DGKH: variants seen among roughly 807,000 people sequenced by gnomAD.
DGKH encodes DAG kinase eta.
In DGKH, 90 loss-of-function variants were observed where a neutral mutation model predicts 159.3. The ratio of observed to expected loss-of-function variants is 0.57; its 90% CI spans 0.48 to 0.67. The LOEUF is 0.67. Ranked by LOEUF, DGKH falls within the 30% of genes least tolerant of loss-of-function variation. DGKH has a pLI of 0.00. For missense variants in DGKH, 1,181 were observed against 1,506.1 expected, an observed-to-expected ratio of 0.78 and a Z score of 3.57; for synonymous variants, 536 against 553.8, an observed-to-expected ratio of 0.97 and a Z score of 0.45.
At chr13:42,053,846 T>C (rs994205354) in intron 1 of DGKH, among the ~76,000 whole-genome samples, 1 of 152,112 alleles carries the variant, frequency 6.6e-6, no homozygotes. Flanking sequence ...GGTCTTGATC[T>C]CTTGACCTTG....
At chr13:42,193,819 G>A (rs1445223374) in intron 16 of DGKH, among the ~76,000 whole-genome samples, 1 of 152,082 alleles carries the variant, frequency 6.6e-6, no homozygotes, top group African/African-American at 2.4e-5. Flanking sequence ...TTAGTTTTAG[G>A]GAGAGTGAAG....
chr13:42,120,058 A>G (rs746831641), intron 1 of DGKH, among the ~76,000 whole-genome samples: 9 of 152,190 alleles, frequency 5.9e-5, no homozygotes, highest in Non-Finnish European at 1.2e-4. Context: ...TGCACACTTT[A>G]TGCAGCAGTG....
chr13:42,183,546 T>C (rs1194773156), intron 13 of DGKH, among the ~76,000 whole-genome samples: 1 of 152,234 alleles, frequency 6.6e-6, no homozygotes, highest in Non-Finnish European at 1.5e-5. Flanking sequence ...TTAAACCCTC[T>C]TGTGCCTGTT....
In DGKH at chr13:42,189,082, A is replaced by G; in HGVS notation, c.1685A>G (p.His562Arg). Residue 562 changes from histidine to arginine, a missense_variant, in exon 15 of 30, where the codon CAC (histidine) becomes CGC (arginine). Transcript: ENST00000337343. ...CTCGAACAACTGCTGCAGGCTTTGC[A>G]CACAGATTCCCAGGCTGCGCCTGTT... ...EKLEQLLQAL[H>R]TDSQAAPVLP... The G allele has an allele frequency of 6.2e-7, 1 of 1,614,158 alleles. No individual in the cohort carries two copies. The highest frequency in any genetic ancestry group is 8.5e-7 in the Non-Finnish European group (1 of 1,179,970).
chr13:42,110,995 A>G lies in DGKH; in HGVS notation c.193-16468A>G, dbSNP rs535669533. Among the ~76,000 whole-genome samples the G allele has an allele frequency of 2.0e-5, 3 of 152,296 alleles. No individual in the cohort carries two copies. In the East Asian group the frequency reaches 5.8e-4, roughly 29 times the overall value. The stretch of plus-strand genomic sequence containing the variant: ...GGGTTGATAGGTGCAGCAAACCACT[A>G]TGGCACATGTTTACCTACGTAACAA... On this transcript the variant is annotated intron_variant, in intron 1 of 29. Coordinates refer to ENST00000337343, the MANE Select transcript of DGKH (RefSeq NM_178009.5).
intron 1 of DGKH, among the ~76,000 whole-genome samples, chr13:42,124,002 G>A (rs754936426): frequency 6.6e-6 from 1 of 152,142 alleles, no homozygotes; most frequent in African/African-American, 2.4e-5. Context: ...ATATCAAATT[G>A]TATACTTTAT....
At chr13:42,051,184 A>G (rs1352019898) in intron 1 of DGKH, among the ~76,000 whole-genome samples, 1 of 152,358 alleles carries the variant, frequency 6.6e-6, no homozygotes, top group South Asian at 2.1e-4. Flanking sequence ...GCCATGAGAG[A>G]TCATTTTTGA....
At chr13:42,191,024 G>A (rs568550735) in intron 16 of DGKH, among the ~76,000 whole-genome samples, 12 of 152,266 alleles carry the variant, frequency 7.9e-5, no homozygotes, top group South Asian at 2.1e-4. Flanking sequence ...TAAAGCAAGC[G>A]TTAAAATCAC....
intron 20 of DGKH, among the ~76,000 whole-genome samples, chr13:42,200,718 G>T (rs981366513): frequency 3.3e-5 from 5 of 152,092 alleles, no homozygotes; most frequent in African/African-American, 1.2e-4. Context: ...GAGGTGTCTC[G>T]CTCATTCTTT....
chr13:42,161,130 A>T (rs975211576), intron 7 of DGKH, among the ~76,000 whole-genome samples: 2 of 152,148 alleles, frequency 1.3e-5, no homozygotes, highest in Non-Finnish European at 2.9e-5. Flanking sequence ...GTCTCTCTTT[A>T]CAATCTTAGT....
chr13:42,054,969 A>G (rs370354682), intron 1 of DGKH, among the ~76,000 whole-genome samples: 2 of 152,224 alleles, frequency 1.3e-5, no homozygotes, highest in Non-Finnish European at 2.9e-5. Context: ...CTGTGTTCCA[A>G]CAAAACTTTA....
Position 42,165,401 on chromosome 13 carries a change from C to T in DGKH, c.926C>T (p.Pro309Leu), listed in dbSNP as rs1231230457. ...GGTCAATGTAAAGTATCTATCATAC[C>T]TCCAATTGCACTAAACAGCACCGAT... The part of the protein sequence containing the change: ...PLGQCKVSII[P>L]PIALNSTDSD... The change falls in exon 8 of 30, where the codon CCT (proline) becomes CTT (leucine). Residue 309 changes from proline (P) to leucine (L), a missense_variant. Pro to Leu is a moderately conservative substitution (Grantham distance 98, BLOSUM62 -3). This residue lies in a region of DGKH where 369 missense variants were observed against 519.4 expected (regional missense o/e 0.71). Coordinates refer to ENST00000337343, the MANE Select transcript of DGKH (RefSeq NM_178009.5). 1.3e-5 allele frequency: 20 copies of T among 1,590,468 alleles called. No individual in the cohort carries two copies. Among genetic ancestry groups the T allele is most frequent in the Middle Eastern group, 1.7e-4 (1 of 6,058 alleles).
downstream of DGKH, among the ~76,000 whole-genome samples, chr13:42,244,723 G>T (rs748970326): frequency 2.0e-5 from 3 of 151,048 alleles, no homozygotes; most frequent in Non-Finnish European, 3.0e-5. Context: ...GCTAAAACGG[G>T]GAAACCCCGT....
At position 42,089,302 on chromosome 13, in the gene DGKH, G is replaced by A. The variant is rs535732143; in HGVS notation, c.193-38161G>A. Among the ~76,000 whole-genome samples the A allele has an allele frequency of 2.6e-5, 4 of 152,176 alleles. No homozygotes were observed. The South Asian group carries it at 8.3e-4, about 32-fold the overall frequency. The stretch of plus-strand genomic sequence containing the variant: ...GCATTCAATCCAACAGCAGCAGACT[G>A]TACATTCTTTTCAAATATATTTCCT... On this transcript the variant is annotated intron_variant, in intron 1 of 29. Coordinates refer to ENST00000337343, the MANE Select transcript of DGKH (RefSeq NM_178009.5).
Position 42,070,372 on chromosome 13 carries a change from T to C in DGKH, c.192+21407T>C, listed in dbSNP as rs1882879524. The C allele has an allele frequency of 1.4e-5, 20 of 1,432,518 alleles. No individual in the cohort carries two copies. The East Asian group carries it at 4.3e-4, about 31-fold the overall frequency. The allele number at this position is 1,432,518 out of a possible 1,614,324, so 88.7% of individuals were successfully genotyped here. ...AATAGATTCTAAAGTCAGCTGCATCTGTTCAAGTTCATGTGCACCTGCAAA... is the reference window on the plus strand; with the variant it reads ...AATAGATTCTAAAGTCAGCTGCATCCGTTCAAGTTCATGTGCACCTGCAAA... On this transcript the variant is annotated intron_variant, in intron 1 of 29. Transcript: ENST00000337343.
intron 11 of DGKH, among the ~76,000 whole-genome samples, chr13:42,170,805 T>C (rs1956435200): frequency 6.6e-6 from 1 of 151,996 alleles, no homozygotes; most frequent in Admixed American, 6.5e-5. Flanking sequence ...TAACTGGGCA[T>C]GGTGGTGGGT....
chr13:42,069,822 A>T, intron 1 of DGKH: 1 of 978,212 alleles, frequency 1.0e-6, no homozygotes, highest in Non-Finnish European at 1.5e-6. Context: ...GGTACTGCCA[A>T]CAAGGCTCAG....
At chr13:42,047,781 T>G (rs1056507228), upstream of DGKH, among the ~76,000 whole-genome samples, 3 of 152,276 alleles carry the variant, frequency 2.0e-5, no homozygotes, top group South Asian at 4.2e-4. Flanking sequence ...TCTCGGGTAC[T>G]GGTGTTCGCA....
At chr13:42,176,039 G>A (rs747506274) in intron 12 of DGKH, among the ~76,000 whole-genome samples, 3 of 152,162 alleles carry the variant, frequency 2.0e-5, no homozygotes, top group Non-Finnish European at 4.4e-5. Context: ...CTTTCTGACC[G>A]TGCTAAGTGA....
Sources: allele counts gnomAD v4.1 joint callset (sites outside exome capture counted in the v4.1 genomes callset), GRCh38; gene constraint gnomAD v4.1.1; regional missense constraint gnomAD v4.1.1; transcripts MANE v1.5; gene names NCBI Gene and HGNC (gene_info 2026-07-23, HGNC 2026-07-21).